Variants in PDXDC1 observed in about 807,000 individuals in gnomAD.
PDXDC1 encodes the protein pyridoxal-dependent decarboxylase domain-containing protein 1.
In PDXDC1, 42 loss-of-function variants were observed where a neutral mutation model predicts 100.1. That is an observed-to-expected ratio of 0.42 (90% CI 0.33 to 0.54). The LOEUF is 0.54. PDXDC1 is among the 20% of genes least tolerant of loss of function. The pLI is 0.10. For missense variants in PDXDC1, 636 were observed against 979.2 expected (o/e 0.65, Z 4.68); for synonymous variants, 260 against 371.7 (o/e 0.70, Z 3.46).
At chr16:15,070,121 A>G in intron 16 of PDXDC1, 1 of 1,604,292 alleles carries the variant, frequency 6.2e-7, no homozygotes, top group African/African-American at 1.3e-5. Flanking sequence ...ACAAAGGTGT[A>G]GAACACAGCT....
chr16:14,990,929 C>G (rs1186721268), intron 1 of PDXDC1, among the ~76,000 whole-genome samples: 1 of 152,244 alleles, frequency 6.6e-6, no homozygotes, highest in Non-Finnish European at 1.5e-5. Context: ...TTAGTAGAGA[C>G]GGGATTTTGC....
At chr16:14,989,780 C>G (rs1970299466) in intron 1 of PDXDC1, 1 of 1,543,344 alleles carries the variant, frequency 6.5e-7, no homozygotes, top group Admixed American at 1.9e-5. Flanking sequence ...GCGGGCGCAG[C>G]TGCACGAAGG....
At chr16:15,135,940 G>A (rs1398149658) in intron 16 of PDXDC1, 5 of 1,575,386 alleles carry the variant, frequency 3.2e-6, no homozygotes, top group Non-Finnish European at 4.3e-6. Flanking sequence ...TCACGTCCAC[G>A]CCGGGCAGGG....
At chr16:14,992,118 T>C (rs1397244283) in intron 1 of PDXDC1, among the ~76,000 whole-genome samples, 1 of 152,282 alleles carries the variant, frequency 6.6e-6, no homozygotes, top group East Asian at 1.9e-4. Flanking sequence ...TAAGGAATCA[T>C]GAGGATAAAT....
At chr16:15,124,873 G>A (rs1202172786) in intron 16 of PDXDC1, among the ~76,000 whole-genome samples, 2 of 151,942 alleles carry the variant, frequency 1.3e-5, no homozygotes, top group Non-Finnish European at 2.9e-5. Context: ...ATTTGGCTGG[G>A]CATGGTGGCT....
At position 14,988,707 on chromosome 16, in the gene PDXDC1, A is replaced by T; in HGVS notation, c.22-9046A>T. 5 of 1,613,704 alleles carry T rather than the reference A, an allele frequency of 3.1e-6. No individual in the cohort carries two copies. The Middle Eastern group carries it at 8.3e-4, about 266-fold the overall frequency. ...GTTGATATGGTCGTTCTTGTAGCGG[A>T]TGCCATGCAATGCATAGCTGTTCTG... On this transcript the variant is annotated intron_variant, in intron 1 of 22. Coordinates refer to ENST00000396410, the MANE Select transcript of PDXDC1 (RefSeq NM_015027.4).
Position 15,108,325 on chromosome 16 carries a change from C to G in PDXDC1, c.1400-30554C>G, listed in dbSNP as rs1181815220. The G allele has an allele frequency of 5.8e-6, 5 of 862,446 alleles. 2 individuals are homozygous for G. Among genetic ancestry groups the G allele is most frequent in the Non-Finnish European group, 7.0e-6 (5 of 717,276 alleles). The allele number at this position is 862,446 out of a possible 1,614,324, so 53.4% of individuals were successfully genotyped here. On this transcript the variant is annotated intron_variant, in intron 16 of 16. Coordinates refer to the PDXDC1 transcript ENST00000535621. ...ATAAAATTCCCAGAACGCTAGGAAACAGGGACGAAAACACTTCAAAGAGAA... is the reference window on the plus strand; with the variant it reads ...ATAAAATTCCCAGAACGCTAGGAAAGAGGGACGAAAACACTTCAAAGAGAA...
downstream of PDXDC1, among the ~76,000 whole-genome samples, chr16:15,043,272 G>C (rs886761021): frequency 6.6e-6 from 1 of 152,188 alleles, no homozygotes; most frequent in Admixed American, 6.5e-5. Flanking sequence ...CTGACCTTAG[G>C]TGATCCACCT....
the PDXDC1 span, among the ~76,000 whole-genome samples, chr16:15,148,670 G>A: frequency 1.9e-4 from 29 of 151,716 alleles, 1 homozygote; most frequent in African/African-American, 6.8e-4. Context: ...AGGCGTGAGT[G>A]ACCCCTTGTC....
intron 16 of PDXDC1, among the ~76,000 whole-genome samples, chr16:15,093,064 T>C (rs1401487428): frequency 6.6e-6 from 1 of 152,014 alleles, no homozygotes; most frequent in Non-Finnish European, 1.5e-5. Flanking sequence ...AGTGCAGTGG[T>C]GTGATCTTGG....
chr16:15,129,534 G>T (rs2047939556), intron 16 of PDXDC1, among the ~76,000 whole-genome samples: 1 of 152,252 alleles, frequency 6.6e-6, no homozygotes, highest in South Asian at 2.1e-4. Context: ...CGGGGAGGGT[G>T]CTGGCGCCTC....
Position 15,032,088 on chromosome 16 carries a change from C to T in PDXDC1, c.1571+182C>T, listed in dbSNP as rs188058645. 6.5e-4 allele frequency: 394 copies of T among 603,538 alleles called. 1 individual carries two copies. The highest frequency in any genetic ancestry group is 2.2e-3 in the South Asian group (105 of 47,880). 37.4% of individuals were successfully genotyped at this position (603,538 alleles called of 1,614,324 possible). ...CAGTGCAAGCAGGCAATTTGGCCAG[C>T]GTGGCGCTCAGGGAGGGGAGTTGCT... On this transcript the variant is annotated intron_variant, in intron 17 of 22. Coordinates refer to ENST00000396410, the MANE Select transcript of PDXDC1 (RefSeq NM_015027.4).
At chr16:15,057,493 C>T (rs528685031) in intron 16 of PDXDC1, among the ~76,000 whole-genome samples, 1 of 152,250 alleles carries the variant, frequency 6.6e-6, no homozygotes, top group South Asian at 2.1e-4. Context: ...TGCATGATTC[C>T]AAAGGCAGTG....
chr16:15,125,566 A>G (rs2047665844), intron 16 of PDXDC1: 2 of 1,550,394 alleles, frequency 1.3e-6, no homozygotes, highest in Non-Finnish European at 1.8e-6. Context: ...AGAATCATCC[A>G]GAAACAAGTC....
chr16:15,101,473 T>C (rs539490544), intron 16 of PDXDC1, among the ~76,000 whole-genome samples: 46 of 152,230 alleles, frequency 3.0e-4, no homozygotes, highest in Admixed American at 6.5e-4. Context: ...TGCACTACCA[T>C]GCCCAGCTGT....
At position 14,997,838 on chromosome 16, in the gene PDXDC1, A is replaced by G; in HGVS notation, c.95+12A>G. ...GAGGACAGTCAGAGGTGAGTAGGAC[A>G]GAGGTGACCCTGTTCAACGAGTTCA... On this transcript the variant is annotated intron_variant, in intron 2 of 22. Coordinates refer to ENST00000396410, the MANE Select transcript of PDXDC1 (RefSeq NM_015027.4). 6.3e-7 allele frequency: 1 copy of G among 1,593,888 alleles called. No individual in the cohort carries two copies.
At chr16:15,001,162 C>CTGGGGG (rs1263820450) in intron 3 of PDXDC1, among the ~76,000 whole-genome samples, 2 of 152,122 alleles carry the variant, frequency 1.3e-5, no homozygotes, top group East Asian at 3.9e-4. Context: ...TGAGACCAGG[C>CTGGGGG]TGGGCAACAT....
chr16:15,101,514 G>A (rs2046548754), intron 16 of PDXDC1, among the ~76,000 whole-genome samples: 1 of 151,662 alleles, frequency 6.6e-6, no homozygotes, highest in Non-Finnish European at 1.5e-5. Context: ...GTAGAGATTT[G>A]TTTAATAGAG....
intron 15 of PDXDC1, 34 bp downstream of exon 15, chr16:15,029,000 G>A (rs2042848501): frequency 5.6e-6 from 9 of 1,601,864 alleles, no homozygotes; most frequent in Non-Finnish European, 7.7e-6. Flanking sequence ...TTCCTTTCAG[G>A]TCCCCGTCCA....
Sources: allele counts gnomAD v4.1 joint callset (sites outside exome capture counted in the v4.1 genomes callset), GRCh38; gene constraint gnomAD v4.1.1; transcripts MANE v1.5; gene names NCBI Gene and HGNC (gene_info 2026-07-23, HGNC 2026-07-21).